ANKRD17: variants seen among roughly 807,000 people sequenced by gnomAD.
The protein encoded by ANKRD17 is ankyrin repeat domain-containing protein 17.
A neutral mutation model predicts 229.7 loss-of-function variants in ANKRD17; 19 were observed. That is an observed-to-expected ratio of 0.08 (90% CI 0.06 to 0.12). The LOEUF is 0.12. Among genes scored for constraint, ANKRD17 ranks in the 10% least tolerant of loss-of-function variants. The pLI is 1.00. For synonymous variants in ANKRD17, 1,112 were observed against 1,146.1 expected (o/e 0.97, Z 0.60); for missense variants, 2,176 against 3,176.8 (o/e 0.68, Z 7.57).
chr4:73,187,978 A>C (rs1359926419), intron 1 of ANKRD17, among the ~76,000 whole-genome samples: 1 of 152,194 alleles, frequency 6.6e-6, no homozygotes, highest in Non-Finnish European at 1.5e-5. Context: ...TAACTGTAAT[A>C]CTTATATTTC....
intron 30 of ANKRD17, among the ~76,000 whole-genome samples, chr4:73,084,185 GC>G (rs1323549687): frequency 6.6e-6 from 1 of 152,072 alleles, no homozygotes; most frequent in Non-Finnish European, 1.5e-5. Context: ...TTTGAGACCA[GC>G]CTGGCCAATG....
At chr4:73,122,831 T>G (rs1012362655) in intron 18 of ANKRD17, among the ~76,000 whole-genome samples, 17 of 152,232 alleles carry the variant, frequency 1.1e-4, no homozygotes, top group African/African-American at 4.1e-4. Context: ...TTATAAACAG[T>G]ATAGTAGAAA....
At chr4:73,161,460 G>C (rs1732510680) in intron 2 of ANKRD17, 112 bp from the exon 3 acceptor site, 2 of 1,061,646 alleles carry the variant, frequency 1.9e-6, no homozygotes, top group Non-Finnish European at 2.7e-6. Flanking sequence ...CCAAATGGTA[G>C]AGTAGACATA....
rs775135814 is a variant in ANKRD17, at chr4:73,142,620, C to T, written c.2085+20G>A. On this transcript the variant is annotated intron_variant, in intron 12 of 33. Transcript: ENST00000358602. ...AGAAATACTAATTCACAATTCTGCA[C>T]AAACATTTGAGTTACATACTTTCAA... 4 of 1,613,870 alleles carry T rather than the reference C, an allele frequency of 2.5e-6. No individual in the cohort carries two copies. The Admixed American group carries it at 5.0e-5, about 20-fold the overall frequency.
chr4:73,257,224 C>T (rs1270459182), intron 1 of ANKRD17, among the ~76,000 whole-genome samples: 1 of 152,164 alleles, frequency 6.6e-6, no homozygotes, highest in Non-Finnish European at 1.5e-5. Flanking sequence ...AGGAAGGAGA[C>T]AAGAGAGTGG....
intron 1 of ANKRD17, among the ~76,000 whole-genome samples, chr4:73,225,232 C>T (rs1742344180): frequency 6.6e-6 from 1 of 152,138 alleles, no homozygotes; most frequent in Admixed American, 6.5e-5. Context: ...GTTTCCCTTC[C>T]TCAAATTTTC....
At chr4:73,184,190 CGTTCTG>C (rs1735958841) in intron 1 of ANKRD17, among the ~76,000 whole-genome samples, 2 of 152,054 alleles carry the variant, frequency 1.3e-5, no homozygotes, top group African/African-American at 4.8e-5. Flanking sequence ...AAGAATGGTT[CGTTCTG>C]TAGTTTAATA....
chr4:73,116,786 A>G (rs1453986110), intron 22 of ANKRD17, among the ~76,000 whole-genome samples: 1 of 151,884 alleles, frequency 6.6e-6, no homozygotes, highest in Non-Finnish European at 1.5e-5. Context: ...AGTATATGTT[A>G]TATATACATA....
At chr4:73,223,476 C>G (rs1742124212) in intron 1 of ANKRD17, among the ~76,000 whole-genome samples, 1 of 152,094 alleles carries the variant, frequency 6.6e-6, no homozygotes, top group South Asian at 2.1e-4. Flanking sequence ...CATGATAATG[C>G]CAAGTTAGAA....
At chr4:73,231,337 T>C (rs1743023600) in intron 1 of ANKRD17, among the ~76,000 whole-genome samples, 1 of 152,196 alleles carries the variant, frequency 6.6e-6, no homozygotes, top group Non-Finnish European at 1.5e-5. Flanking sequence ...ACTACCCAAG[T>C]AACCATGGAA....
rs753558826 is a variant in ANKRD17 at position 73,120,165 on chromosome 4, C to G, written c.4022G>C (p.Gly1341Ala). 6.2e-7 allele frequency: 1 copy of G among 1,613,922 alleles called. No homozygotes were observed. The highest frequency in any genetic ancestry group is 1.1e-5 in the South Asian group (1 of 91,068). ...GHYKFCELLI[G>A]RGAHIDVRNK... ...GAAGGGTATGGTAACAACATACCTG[C>G]CAATAAGAAGCTCACAGAATTTGTA... Residue 1341 changes from glycine (G) to alanine (A), a missense_variant, in exon 21 of 34, where the codon GGC becomes GCC. This residue lies in a region of ANKRD17 where 178 missense variants were observed against 421.7 expected (regional missense o/e 0.42). Transcript: ENST00000358602.
At chr4:73,192,152 C>T (rs1056461246) in intron 1 of ANKRD17, among the ~76,000 whole-genome samples, 1 of 152,000 alleles carries the variant, frequency 6.6e-6, no homozygotes, top group Non-Finnish European at 1.5e-5. Flanking sequence ...GACATTTCCC[C>T]CCAATTTATT....
At chr4:73,147,932 A>G (rs750246192) in intron 8 of ANKRD17, among the ~76,000 whole-genome samples, 1 of 152,184 alleles carries the variant, frequency 6.6e-6, no homozygotes, top group Non-Finnish European at 1.5e-5. Context: ...TATTGTCATC[A>G]ATACTACCAC....
At position 73,147,233 on chromosome 4, in the gene ANKRD17, A is replaced by G. The variant is rs558713547; in HGVS notation, c.1759+8T>C. 290 of 1,526,882 alleles carry G rather than the reference A, an allele frequency of 1.9e-4. 1 individual carries two copies. The South Asian group carries it at 3.5e-3, about 18-fold the overall frequency. The allele number at this position is 1,526,882 out of a possible 1,614,324, so 94.6% of individuals were successfully genotyped here. On this transcript the variant is annotated splice_region_variant and intron_variant, in intron 9 of 33. Coordinates refer to ENST00000358602, the MANE Select transcript of ANKRD17 (RefSeq NM_032217.5). ...TAAAAAACTTCTCCCAAATGCAAAA[A>G]TGCCTACCTGCAGCTAATAAGTATT...
intron 1 of ANKRD17, among the ~76,000 whole-genome samples, chr4:73,252,763 T>C (rs1745139067): frequency 1.3e-5 from 2 of 152,182 alleles, no homozygotes; most frequent in Admixed American, 1.3e-4. Context: ...AAATCGCCTC[T>C]AGAAAGGGTG....
chr4:73,124,472 G>A (rs1402223258), intron 18 of ANKRD17, among the ~76,000 whole-genome samples: 1 of 151,996 alleles, frequency 6.6e-6, no homozygotes, highest in Admixed American at 6.6e-5. Flanking sequence ...GAGAAAGGGT[G>A]GGGAAAAATC....
chr4:73,181,829 C>T (rs2149017804), intron 1 of ANKRD17, among the ~76,000 whole-genome samples: 1 of 151,708 alleles, frequency 6.6e-6, no homozygotes, highest in African/African-American at 2.4e-5. Flanking sequence ...GGGTGCATTG[C>T]CTGGGGTTGG....
At chr4:73,197,950 T>C (rs529378890) in intron 1 of ANKRD17, among the ~76,000 whole-genome samples, 39 of 152,370 alleles carry the variant, frequency 2.6e-4, no homozygotes, top group African/African-American at 8.7e-4. Flanking sequence ...TTATATTCAG[T>C]TGATTTCATT....
chr4:73,114,014 A>G, intron 23 of ANKRD17, 106 bp from the exon 24 acceptor site: 1 of 722,480 alleles, frequency 1.4e-6, no homozygotes, highest in Non-Finnish European at 2.3e-6. Context: ...CCTAAGCAAT[A>G]AAGATCCATG....
Sources: allele counts gnomAD v4.1 joint callset (sites outside exome capture counted in the v4.1 genomes callset), GRCh38; gene constraint gnomAD v4.1.1; regional missense constraint gnomAD v4.1.1; transcripts MANE v1.5; gene names NCBI Gene and HGNC (gene_info 2026-07-23, HGNC 2026-07-21).